The following CDH12 variants were observed in gnomAD, a reference collection of about 807,000 sequenced individuals.
CDH12 encodes the protein cadherin-12.
Under a neutral mutation model 74.1 loss-of-function variants are expected in CDH12, and 41 were observed. The ratio of observed to expected loss-of-function variants is 0.55; its 90% CI spans 0.43 to 0.72. CDH12 has a LOEUF of 0.72. Ranked by LOEUF, CDH12 falls within the 30% of genes least tolerant of loss-of-function variation. The probability of loss-of-function intolerance (pLI) is 0.00; values close to 1 mark genes in which losing one functional copy is unlikely to be tolerated. For missense variants in CDH12, 945 were observed against 977.2 expected, an observed-to-expected ratio of 0.97 and a Z score of 0.44; for synonymous variants, 399 against 355.0, an observed-to-expected ratio of 1.12 and a Z score of -1.39.
At position 22,609,905 on chromosome 5, in the gene CDH12, TA is replaced by T. The variant is rs529186942; in HGVS notation, c.-522-104542del. Reference sequence around the variant, plus strand: ...AAGAGGTAAAGCCCATGCTAGTGTATAAGCTGATTTACAAACTGATTAACAC... The same window carrying T: ...AAGAGGTAAAGCCCATGCTAGTGTATAGCTGATTTACAAACTGATTAACAC... On this transcript the variant is annotated intron_variant, in intron 1 of 14. Transcript: ENST00000382254. 3.5e-3 allele frequency among the ~76,000 whole-genome samples: 531 copies of T among 152,356 alleles called. 1 individual carries two copies. Among genetic ancestry groups the T allele is most frequent in the African/African-American group, 9.7e-3 (404 of 41,600 alleles).
chr5:22,737,309 C>T (rs1446653508), intron 1 of CDH12, among the ~76,000 whole-genome samples: 2 of 151,818 alleles, frequency 1.3e-5, no homozygotes, highest in Admixed American at 1.3e-4. Flanking sequence ...ATCCCATAGT[C>T]TGATCCCTAC....
chr5:22,323,458 T>C (rs1369246648), intron 3 of CDH12, among the ~76,000 whole-genome samples: 2 of 152,216 alleles, frequency 1.3e-5, no homozygotes, highest in East Asian at 3.8e-4. Flanking sequence ...CAGTTAATTT[T>C]ATCTATTTGT....
At chr5:22,571,555 G>T (rs890425293) in intron 1 of CDH12, among the ~76,000 whole-genome samples, 1 of 152,200 alleles carries the variant, frequency 6.6e-6, no homozygotes, top group Non-Finnish European at 1.5e-5. Context: ...TCGAATTCCT[G>T]ACCTCAGGTG....
At chr5:22,725,715 T>C (rs997515268) in intron 1 of CDH12, among the ~76,000 whole-genome samples, 5 of 151,656 alleles carry the variant, frequency 3.3e-5, no homozygotes, top group African/African-American at 1.2e-4. Flanking sequence ...TTTCAACATA[T>C]GAATTTTTTA....
At chr5:21,838,243 G>A (rs542815362) in intron 8 of CDH12, among the ~76,000 whole-genome samples, 1 of 152,226 alleles carries the variant, frequency 6.6e-6, no homozygotes, top group South Asian at 2.1e-4. Context: ...TAAAGTTCTT[G>A]ACACATATGT....
At chr5:22,496,818 C>T (rs1478912261) in intron 2 of CDH12, among the ~76,000 whole-genome samples, 1 of 152,138 alleles carries the variant, frequency 6.6e-6, no homozygotes, top group Non-Finnish European at 1.5e-5. Context: ...TTCTTTTGCT[C>T]TTTTTATTTT....
intron 6 of CDH12, among the ~76,000 whole-genome samples, chr5:21,934,694 CTT>C (rs1205344606): frequency 2.6e-5 from 4 of 152,194 alleles, no homozygotes; most frequent in African/African-American, 7.2e-5. Context: ...TAGAAACTCT[CTT>C]TGATGGTTTC....
At chr5:22,759,405 A>G (rs1269077987) in intron 1 of CDH12, among the ~76,000 whole-genome samples, 2 of 152,286 alleles carry the variant, frequency 1.3e-5, no homozygotes, top group East Asian at 1.9e-4. Context: ...AAAAAGTACT[A>G]AAATTAGGCA....
At chr5:22,778,189 G>A (rs979062017) in intron 1 of CDH12, among the ~76,000 whole-genome samples, 60 of 152,152 alleles carry the variant, frequency 3.9e-4, no homozygotes, top group Admixed American at 7.2e-4. Context: ...TGTGGATAAT[G>A]TTTTCATTCA....
At chr5:22,455,660 A>G (rs1745234201) in intron 2 of CDH12, among the ~76,000 whole-genome samples, 1 of 152,226 alleles carries the variant, frequency 6.6e-6, no homozygotes, top group Non-Finnish European at 1.5e-5. Flanking sequence ...TCTGGAAGTG[A>G]TCAGCACATA....
intron 3 of CDH12, among the ~76,000 whole-genome samples, chr5:22,354,896 A>T (rs1740498951): frequency 6.6e-6 from 1 of 152,154 alleles, no homozygotes; most frequent in African/African-American, 2.4e-5. Context: ...TTTCATCTTT[A>T]TGCAGGTTTA....
intron 4 of CDH12, among the ~76,000 whole-genome samples, chr5:22,116,808 C>T (rs1745141427): frequency 6.7e-6 from 1 of 148,702 alleles, no homozygotes; most frequent in South Asian, 2.1e-4. Context: ...CAATAGGGAA[C>T]TAACACAGTG....
chr5:22,590,013 G>C (rs919365538), intron 1 of CDH12, among the ~76,000 whole-genome samples: 1 of 152,108 alleles, frequency 6.6e-6, no homozygotes, highest in Non-Finnish European at 1.5e-5. Context: ...GTAAGACGTC[G>C]ATATATGGGA....
At chr5:21,843,826 C>T (rs1402164062) in intron 7 of CDH12, among the ~76,000 whole-genome samples, 2 of 152,078 alleles carry the variant, frequency 1.3e-5, no homozygotes, top group African/African-American at 2.4e-5. Flanking sequence ...TTCTACATAC[C>T]TTAAGTTATG....
At chr5:22,217,248 C>T (rs1751838576) in intron 3 of CDH12, among the ~76,000 whole-genome samples, 1 of 151,678 alleles carries the variant, frequency 6.6e-6, no homozygotes, top group South Asian at 2.1e-4. Context: ...TAACACGTTT[C>T]TTTAAAAGGT....
chr5:22,583,909 A>T lies in CDH12; in HGVS notation c.-522-78545T>A, dbSNP rs72637706. 0.011 allele frequency among the ~76,000 whole-genome samples: 1,669 copies of T among 152,226 alleles called. 134 individuals carry two copies. In the East Asian group the frequency reaches 0.22, roughly 20 times the overall value. On this transcript the variant is annotated intron_variant, in intron 1 of 14. Transcript: ENST00000382254. ...AAATAAACTATGATTAGCTCCTATAAAAGAAACAAATGTATCTCTTCCCAA... is the reference window on the plus strand; with the variant it reads ...AAATAAACTATGATTAGCTCCTATATAAGAAACAAATGTATCTCTTCCCAA...
intron 2 of CDH12, among the ~76,000 whole-genome samples, chr5:22,426,940 C>T (rs1254176805): frequency 1.3e-5 from 2 of 152,056 alleles, no homozygotes; most frequent in Non-Finnish European, 2.9e-5. Context: ...ATGACCTCAA[C>T]ATCTCTCTCT....
intron 1 of CDH12, among the ~76,000 whole-genome samples, chr5:22,831,759 G>C (rs1736624689): frequency 6.6e-6 from 1 of 151,838 alleles, no homozygotes; most frequent in Non-Finnish European, 1.5e-5. Context: ...TTAGCTGGGC[G>C]CGGTGGCGAG....
At chr5:22,527,243 A>G (rs533284499) in intron 1 of CDH12, among the ~76,000 whole-genome samples, 1 of 152,228 alleles carries the variant, frequency 6.6e-6, no homozygotes, top group African/African-American at 2.4e-5. Context: ...TCCTTCTTCA[A>G]GGGGACTTGT....
Sources: allele counts gnomAD v4.1 joint callset (sites outside exome capture counted in the v4.1 genomes callset), GRCh38; gene constraint gnomAD v4.1.1; transcripts MANE v1.5; gene names NCBI Gene and HGNC (gene_info 2026-07-23, HGNC 2026-07-21).